The following SPMIP7 variants were observed in gnomAD, a reference collection of about 807,000 sequenced individuals.
SPMIP7 encodes the protein sperm microtubule inner protein 7.
chr7:50,157,801 G>C, the SPMIP7 span, among the ~76,000 whole-genome samples: 1 of 152,088 alleles, frequency 6.6e-6, no homozygotes, highest in Non-Finnish European at 1.5e-5. Flanking sequence ...TGTGACACTA[G>C]GATAGCCATC....
the SPMIP7 span, among the ~76,000 whole-genome samples, chr7:50,127,416 A>C: frequency 6.6e-6 from 1 of 151,782 alleles, no homozygotes; most frequent in Admixed American, 6.6e-5. Context: ...ATGGGACTAC[A>C]TCAAGCTAAA....
the SPMIP7 span, among the ~76,000 whole-genome samples, chr7:50,111,676 T>C: frequency 2.0e-5 from 3 of 152,194 alleles, no homozygotes; most frequent in Non-Finnish European, 4.4e-5. Flanking sequence ...ATTTGGGTGC[T>C]GCTTTTTGTT....
the SPMIP7 span, among the ~76,000 whole-genome samples, chr7:50,127,019 A>G: frequency 6.6e-6 from 1 of 152,144 alleles, no homozygotes; most frequent in African/African-American, 2.4e-5. Flanking sequence ...CCACAAAACT[A>G]TAGTAATCAA....
the SPMIP7 span, among the ~76,000 whole-genome samples, chr7:50,125,877 T>C: frequency 6.6e-6 from 1 of 152,194 alleles, no homozygotes; most frequent in African/African-American, 2.4e-5. Flanking sequence ...AGTTTTAAGA[T>C]GAATTAGTTC....
chr7:50,110,595 T>C, the SPMIP7 span, among the ~76,000 whole-genome samples: 1 of 141,382 alleles, frequency 7.1e-6, no homozygotes, highest in Non-Finnish European at 1.5e-5. Context: ...ACATTTGACA[T>C]AGTATATACT....
chr7:50,147,000 A>G, the SPMIP7 span, among the ~76,000 whole-genome samples: 3 of 152,218 alleles, frequency 2.0e-5, no homozygotes, highest in African/African-American at 7.2e-5. Context: ...CTAAGTTCAC[A>G]CAGCTGGTCA....
At chr7:50,134,361 T>G in the SPMIP7 span, 2 of 892,778 alleles carry the variant, frequency 2.2e-6, no homozygotes, top group South Asian at 4.0e-5. Context: ...GGAAGTAAAT[T>G]TATGTAAGAT....
the SPMIP7 span, chr7:50,129,578 TA>T: frequency 1.6e-6 from 1 of 631,178 alleles, no homozygotes; most frequent in Non-Finnish European, 2.8e-6. Flanking sequence ...AGGGAAGCAT[TA>T]AATCTGGTCA....
the SPMIP7 span, among the ~76,000 whole-genome samples, chr7:50,123,914 T>A: frequency 6.6e-6 from 1 of 152,144 alleles, no homozygotes; most frequent in Admixed American, 6.6e-5. Flanking sequence ...AATGGTAATA[T>A]ACTAAACATT....
chr7:50,125,115 T>TATATATATATATATATATATAC, the SPMIP7 span, among the ~76,000 whole-genome samples: 1 of 25,420 alleles, frequency 3.9e-5, no homozygotes, highest in East Asian at 2.2e-3. Flanking sequence ...TATATATATA[T>TATATATATATATATATATATAC]ACACACACAC....
chr7:50,144,834 C>T, the SPMIP7 span, among the ~76,000 whole-genome samples: 1 of 152,034 alleles, frequency 6.6e-6, no homozygotes, highest in African/African-American at 2.4e-5. Context: ...AAACAATTAT[C>T]TTTGTTTCTT....
chr7:50,112,233 T>C, the SPMIP7 span, among the ~76,000 whole-genome samples: 1 of 152,066 alleles, frequency 6.6e-6, no homozygotes, highest in Non-Finnish European at 1.5e-5. Flanking sequence ...AAAGAGAAGA[T>C]GGTTGAAGTG....
the SPMIP7 span, among the ~76,000 whole-genome samples, chr7:50,146,055 T>C: frequency 6.6e-6 from 1 of 152,224 alleles, no homozygotes; most frequent in Admixed American, 6.5e-5. Flanking sequence ...GTCGCTGGAC[T>C]GTGTTGCAGC....
chr7:50,129,320 T>C, the SPMIP7 span, among the ~76,000 whole-genome samples: 1 of 152,024 alleles, frequency 6.6e-6, no homozygotes, highest in Non-Finnish European at 1.5e-5. Context: ...AATTAGTTAA[T>C]TAATTTTGAT....
chr7:50,110,413 ATT>A, the SPMIP7 span, among the ~76,000 whole-genome samples: 1 of 147,690 alleles, frequency 6.8e-6, no homozygotes, highest in African/African-American at 2.5e-5. Flanking sequence ...CATATAATAT[ATT>A]CATATTTAAT....
At chr7:50,096,599 A>G in the SPMIP7 span, 2 of 1,550,806 alleles carry the variant, frequency 1.3e-6, no homozygotes, top group Non-Finnish European at 8.7e-7. Context: ...ATGGAATTCC[A>G]GGGAAGTACC....
the SPMIP7 span, among the ~76,000 whole-genome samples, chr7:50,134,612 G>C: frequency 6.6e-6 from 1 of 152,192 alleles, no homozygotes; most frequent in Non-Finnish European, 1.5e-5. Flanking sequence ...AACCTATGCT[G>C]AAGATGGTTC....
chr7:50,102,860 T>A, the SPMIP7 span, among the ~76,000 whole-genome samples: 1 of 151,648 alleles, frequency 6.6e-6, no homozygotes, highest in African/African-American at 2.4e-5. Context: ...ATAGTTTTTA[T>A]AACTCTGACA....
the SPMIP7 span, among the ~76,000 whole-genome samples, chr7:50,125,137 C>CATATATATACACACATATAT: frequency 2.6e-5 from 1 of 38,920 alleles, no homozygotes; most frequent in African/African-American, 1.2e-4. Context: ...CACACACACA[C>CATATATATACACACATATAT]ACACATATAC....
Sources: allele counts gnomAD v4.1 joint callset (sites outside exome capture counted in the v4.1 genomes callset), GRCh38; gene constraint gnomAD v4.1.1; transcripts MANE v1.5; gene names NCBI Gene and HGNC (gene_info 2026-07-23, HGNC 2026-07-21).